Variants in LMF1 observed in about 807,000 individuals in gnomAD.
LMF1 encodes lipase maturation factor 1, also known as transmembrane protein 112.
In LMF1, 68 loss-of-function variants were observed where a neutral mutation model predicts 60.6. That is an observed-to-expected ratio of 1.12 (90% CI 0.92 to 1.37). LMF1 has a LOEUF of 1.37. Ranked by LOEUF, LMF1 falls within the 40% of genes most tolerant of loss-of-function variation. LMF1 has a pLI of 0.00. For missense variants in LMF1, 948 were observed against 767.2 expected, an observed-to-expected ratio of 1.24 and a Z score of -2.78; for synonymous variants, 418 against 324.7, an observed-to-expected ratio of 1.29 and a Z score of -3.09.
chr16:870,933 C>G, intron 7 of LMF1, 51 bp from the exon 8 acceptor site: 6 of 1,547,422 alleles, frequency 3.9e-6, no homozygotes, highest in Non-Finnish European at 5.2e-6. Context: ...GCCCCGTGGC[C>G]TGTCCCTGGG....
chr16:952,778 C>G (rs1597064292), intron 2 of LMF1: 1 of 165,718 alleles, frequency 6.0e-6, no homozygotes, highest in East Asian at 1.9e-4. Flanking sequence ...CACACAGACA[C>G]CCACCCCAAA....
chr16:882,109 G>GC lies in LMF1; in HGVS notation c.730-2373dup, dbSNP rs2070178495. On this transcript the variant is annotated intron_variant, in intron 5 of 10. Coordinates refer to ENST00000262301, the MANE Select transcript of LMF1 (RefSeq NM_022773.4). ...GAAAGGGCCACAGCAGGGACACAGT[G>GC]CGATGCCTTTGTGGACGTGGAACCC... is the stretch of plus-strand genomic sequence containing the variant. Among the ~76,000 whole-genome samples the GC allele has an allele frequency of 2.0e-5, 3 of 152,340 alleles. No individual in the cohort carries two copies. In the South Asian group the frequency reaches 6.2e-4, roughly 32 times the overall value.
At chr16:893,195 T>C (rs2070542951) in intron 4 of LMF1, 123 bp from the exon 5 acceptor site, 1 of 819,692 alleles carries the variant, frequency 1.2e-6, no homozygotes, top group East Asian at 2.7e-5. Flanking sequence ...CTGCAGGCGC[T>C]GTGAGGGAGG....
chr16:924,483 A>G (rs995187014), intron 3 of LMF1, among the ~76,000 whole-genome samples: 1 of 152,210 alleles, frequency 6.6e-6, no homozygotes, highest in African/African-American at 2.4e-5. Flanking sequence ...AAGTTGAGAA[A>G]CAAAAGGCCA....
intron 5 of LMF1, among the ~76,000 whole-genome samples, chr16:888,910 A>G (rs187832058): frequency 3.9e-5 from 6 of 152,248 alleles, no homozygotes; most frequent in African/African-American, 9.6e-5. Flanking sequence ...CAGCTGGGAC[A>G]GGAGCTGCAT....
chr16:870,689 A>T (rs766712183), intron 8 of LMF1, 40 bp downstream of exon 8: 2 of 1,607,526 alleles, frequency 1.2e-6, no homozygotes, highest in East Asian at 4.5e-5. Context: ...GAGTCTCCCC[A>T]TATACCCAGC....
intron 2 of LMF1, among the ~76,000 whole-genome samples, chr16:943,758 ACTT>A (rs1354350376): frequency 6.7e-6 from 1 of 149,292 alleles, no homozygotes; most frequent in East Asian, 2.0e-4. Flanking sequence ...AAAGAGGAAT[ACTT>A]CCCTTGAGTC....
chr16:884,889 T>C (rs1298930875), intron 5 of LMF1: 1 of 148,320 alleles, frequency 6.7e-6, no homozygotes, highest in African/African-American at 2.5e-5. Flanking sequence ...TGATCACGGA[T>C]GGAAGCCTGG....
intron 3 of LMF1, among the ~76,000 whole-genome samples, chr16:924,938 C>A (rs2071551553): frequency 6.6e-6 from 1 of 152,198 alleles, no homozygotes; most frequent in Non-Finnish European, 1.5e-5. Flanking sequence ...CGGATGCAGA[C>A]CTGCTAGGGG....
rs372598539 is a variant in LMF1 at position 955,472 on chromosome 16, CA to C, written c.194-807del. Among the ~76,000 whole-genome samples, 308 of 42,200 alleles carry C rather than the reference CA, an allele frequency of 7.3e-3. 3 individuals are homozygous for C. Among genetic ancestry groups the C allele is most frequent in the African/African-American group, 0.033 (110 of 3,338 alleles). 27.7% of individuals were successfully genotyped at this position (42,200 alleles called of 152,430 possible). On this transcript the variant is annotated intron_variant, in intron 1 of 10. Transcript: ENST00000262301. ...CTGCAGCAGACGCGGTGTGTGCATA[CA>C]CACACACACACATCTAAGTAAACTA...
chr16:959,255 G>A (rs1428672456), intron 1 of LMF1, among the ~76,000 whole-genome samples: 5 of 152,220 alleles, frequency 3.3e-5, no homozygotes, highest in African/African-American at 1.2e-4. Flanking sequence ...GCAGCTGTTG[G>A]TTCAGGCAAT....
chr16:970,151 G>T (rs911944038), intron 1 of LMF1, among the ~76,000 whole-genome samples: 1 of 152,236 alleles, frequency 6.6e-6, no homozygotes, highest in African/African-American at 2.4e-5. Flanking sequence ...GACTGAGCTA[G>T]TCGAGAACAC....
intron 6 of LMF1, among the ~76,000 whole-genome samples, chr16:877,906 G>A (rs543457282): frequency 3.9e-5 from 6 of 152,286 alleles, no homozygotes; most frequent in African/African-American, 9.6e-5. Flanking sequence ...AGGAGGAAGT[G>A]TGACTTAAAA....
intron 2 of LMF1, among the ~76,000 whole-genome samples, chr16:947,873 C>T (rs908961952): frequency 6.6e-6 from 1 of 151,466 alleles, no homozygotes; most frequent in Non-Finnish European, 1.5e-5. Flanking sequence ...ATGACAGAGT[C>T]AGCCAACGAC....
intron 4 of LMF1, among the ~76,000 whole-genome samples, chr16:896,616 G>T (rs775672741): frequency 6.6e-6 from 1 of 152,118 alleles, no homozygotes; most frequent in African/African-American, 2.4e-5. Flanking sequence ...TCCTCAAGGC[G>T]CTGCCCACAC....
At position 953,970 on chromosome 16, in the gene LMF1, T is replaced by TGC. The variant is rs2072583574; in HGVS notation, c.503+386_503+387insGC. ...AGACACCCACCCCAAACCAGCCTCC[T>TGC]ACATGTCCACACAGACACCCCAAAC... On this transcript the variant is annotated intron_variant, in intron 2 of 10. Transcript: ENST00000262301. Among the ~76,000 whole-genome samples, 2 of 41,366 alleles carry TGC rather than the reference T, an allele frequency of 4.8e-5. 1 individual carries two copies. The highest frequency in any genetic ancestry group is 1.7e-4 in the African/African-American group (2 of 11,996). 27.1% of individuals were successfully genotyped at this position (41,366 alleles called of 152,430 possible). A position where few individuals can be genotyped will look rare whatever the true frequency, so the allele number is the denominator to read the frequency against.
chr16:958,830 TGAGCC>T (rs2072761685), intron 1 of LMF1, among the ~76,000 whole-genome samples: 1 of 150,954 alleles, frequency 6.6e-6, no homozygotes, highest in African/African-American at 2.4e-5. Context: ...GAGGTTGGAG[TGAGCC>T]GACACAGCGC....
chr16:861,354 C>CT (rs33941455), intron 10 of LMF1, among the ~76,000 whole-genome samples: 1,098 of 92,644 alleles, frequency 0.012, 19 homozygotes, highest in South Asian at 0.031. Context: ...AATTTTCTTT[C>CT]TTTTTTTTTT....
intron 3 of LMF1, among the ~76,000 whole-genome samples, chr16:932,001 G>A (rs552962593): frequency 1.8e-4 from 27 of 152,348 alleles, no homozygotes; most frequent in South Asian, 1.4e-3. Flanking sequence ...GAGCGCAAGC[G>A]CAGCCCCCGA....
Sources: allele counts gnomAD v4.1 joint callset (sites outside exome capture counted in the v4.1 genomes callset), GRCh38; gene constraint gnomAD v4.1.1; transcripts MANE v1.5; gene names NCBI Gene and HGNC (gene_info 2026-07-23, HGNC 2026-07-21).